RAP1GAP2: variants seen among roughly 807,000 people sequenced by gnomAD.
RAP1GAP2 encodes the protein rap1 GTPase-activating protein 2.
Under a neutral mutation model 95.0 loss-of-function variants are expected in RAP1GAP2, and 27 were observed. The ratio of observed to expected loss-of-function variants is 0.28; its 90% CI spans 0.21 to 0.39. The LOEUF (loss-of-function observed/expected upper bound fraction) is 0.39, where lower values mean the gene tolerates loss of function less well. Among genes scored for constraint, RAP1GAP2 ranks in the 10% least tolerant of loss-of-function variants. The pLI, the probability that RAP1GAP2 is intolerant of heterozygous loss-of-function variation, is 1.00. For missense variants in RAP1GAP2, 771 were observed against 970.0 expected (o/e 0.79, Z 2.72); for synonymous variants, 373 against 380.9 (o/e 0.98, Z 0.24).
intron 8 of RAP1GAP2, among the ~76,000 whole-genome samples, chr17:2,974,075 C>T (rs547086896): frequency 6.6e-6 from 1 of 152,014 alleles, no homozygotes; most frequent in African/African-American, 2.4e-5. Context: ...GGCGTGGTGT[C>T]TCATGCCTGT....
intron 18 of RAP1GAP2, among the ~76,000 whole-genome samples, chr17:3,019,599 C>T (rs777882671): frequency 6.6e-6 from 1 of 152,168 alleles, no homozygotes; most frequent in East Asian, 1.9e-4. Context: ...GCAGAACATA[C>T]TCACCATGGA....
At chr17:2,923,307 G>A (rs2042851738) in intron 3 of RAP1GAP2, among the ~76,000 whole-genome samples, 1 of 150,178 alleles carries the variant, frequency 6.7e-6, no homozygotes, top group African/African-American at 2.5e-5. Context: ...CAAAGTGCTG[G>A]GGTTACAGGT....
At chr17:2,919,085 G>T (rs1178891430) in intron 3 of RAP1GAP2, among the ~76,000 whole-genome samples, 3 of 152,152 alleles carry the variant, frequency 2.0e-5, no homozygotes, top group Non-Finnish European at 2.9e-5. Context: ...TGAGGGGCCT[G>T]TCTGTGGAAT....
At chr17:2,810,232 C>T (rs927915546) in intron 2 of RAP1GAP2, among the ~76,000 whole-genome samples, 2 of 152,082 alleles carry the variant, frequency 1.3e-5, no homozygotes, top group Non-Finnish European at 2.9e-5. Flanking sequence ...AGGCAGAGTC[C>T]AGAACCTAAT....
At chr17:2,975,618 G>A (rs2045077458) in intron 8 of RAP1GAP2, among the ~76,000 whole-genome samples, 1 of 152,224 alleles carries the variant, frequency 6.6e-6, no homozygotes. Context: ...TGATGGGCGT[G>A]TTTGGGAGCA....
intron 2 of RAP1GAP2, among the ~76,000 whole-genome samples, chr17:2,850,522 G>T (rs2071791560): frequency 6.6e-6 from 1 of 151,058 alleles, no homozygotes. Context: ...GCCAAGATGG[G>T]CGGATCACGA....
chr17:2,954,994 G>T (rs769112010), intron 3 of RAP1GAP2, among the ~76,000 whole-genome samples: 1 of 152,126 alleles, frequency 6.6e-6, no homozygotes, highest in African/African-American at 2.4e-5. Context: ...TTATTCCATC[G>T]TATGGATACA....
chr17:2,979,469 T>G (rs1205953823), intron 8 of RAP1GAP2, among the ~76,000 whole-genome samples: 25 of 140,406 alleles, frequency 1.8e-4, no homozygotes, highest in Admixed American at 3.6e-4. Flanking sequence ...TGTTTTTTTT[T>G]TTTTTTTTTT....
chr17:2,800,322 T>C (rs770859734), intron 1 of RAP1GAP2, 193 bp from the exon 2 acceptor site: 16 of 833,036 alleles, frequency 1.9e-5, no homozygotes, highest in Non-Finnish European at 2.2e-5. Context: ...TGTAGGGTGG[T>C]GTGTGGCCCC....
At chr17:2,981,147 T>A in intron 9 of RAP1GAP2, 48 bp from the exon 10 acceptor site, 1 of 1,569,994 alleles carries the variant, frequency 6.4e-7, no homozygotes, top group South Asian at 1.1e-5. Flanking sequence ...AGCCCAGATG[T>A]CCTCTACAGA....
upstream of RAP1GAP2, among the ~76,000 whole-genome samples, chr17:2,792,996 A>G (rs2068966553): frequency 6.6e-6 from 1 of 152,110 alleles, no homozygotes; most frequent in South Asian, 2.1e-4. Flanking sequence ...GGCAGCTTTC[A>G]CATGTGGTCA....
At chr17:2,951,654 A>G (rs1156549984) in intron 3 of RAP1GAP2, among the ~76,000 whole-genome samples, 3 of 151,680 alleles carry the variant, frequency 2.0e-5, no homozygotes, top group Non-Finnish European at 4.4e-5. Flanking sequence ...GGAGATCGAG[A>G]CTGCAGTGAG....
At chr17:2,942,638 T>C (rs1178696272) in intron 3 of RAP1GAP2, among the ~76,000 whole-genome samples, 4 of 152,160 alleles carry the variant, frequency 2.6e-5, no homozygotes, top group African/African-American at 9.7e-5. Flanking sequence ...AGTCTCATGC[T>C]CTTTTTCTCT....
chr17:2,920,995 G>A (rs1187522532), intron 3 of RAP1GAP2, among the ~76,000 whole-genome samples: 2 of 152,134 alleles, frequency 1.3e-5, no homozygotes, highest in Non-Finnish European at 2.9e-5. Flanking sequence ...TGTCCCCTGC[G>A]TAGATCTGTG....
chr17:2,819,725 C>T (rs2070198275), intron 2 of RAP1GAP2, among the ~76,000 whole-genome samples: 1 of 151,990 alleles, frequency 6.6e-6, no homozygotes, highest in Non-Finnish European at 1.5e-5. Context: ...GCCTCGGCCT[C>T]CCAAAGTGCT....
At chr17:2,877,654 G>A (rs1012435934) in intron 2 of RAP1GAP2, among the ~76,000 whole-genome samples, 4 of 152,184 alleles carry the variant, frequency 2.6e-5, no homozygotes, top group African/African-American at 7.2e-5. Flanking sequence ...AGGAGGCTGA[G>A]GCATGAGGAT....
Position 2,824,132 on chromosome 17 carries a change from AAAAAG to A in RAP1GAP2, c.80+23586_80+23590del, listed in dbSNP as rs1480310109. 4.1e-4 allele frequency among the ~76,000 whole-genome samples: 59 copies of A among 145,342 alleles called. 1 individual carries two copies. The highest frequency in any genetic ancestry group is 3.6e-3 in the Admixed American group (51 of 14,338). ...AGCAAGACTGTCTCAAAAAAAAAAAAAAAAGAAAGAAAGAAAAAAAGAAACAGCAC... is the reference window on the plus strand; with the variant it reads ...AGCAAGACTGTCTCAAAAAAAAAAAAAAAGAAAGAAAAAAAGAAACAGCAC... On this transcript the variant is annotated intron_variant, in intron 2 of 24. Transcript: ENST00000254695.
chr17:2,826,660 G>A (rs1464813602), intron 2 of RAP1GAP2, among the ~76,000 whole-genome samples: 1 of 152,012 alleles, frequency 6.6e-6, no homozygotes, highest in Non-Finnish European at 1.5e-5. Flanking sequence ...GCCAGGCTAG[G>A]GTCCTAAGAA....
intron 8 of RAP1GAP2, among the ~76,000 whole-genome samples, chr17:2,975,491 A>C (rs756282810): frequency 3.4e-4 from 52 of 152,368 alleles, no homozygotes; most frequent in Non-Finnish European, 6.8e-4. Flanking sequence ...TTTCAGGACA[A>C]AAAGACTAGG....
Sources: allele counts gnomAD v4.1 joint callset (sites outside exome capture counted in the v4.1 genomes callset), GRCh38; gene constraint gnomAD v4.1.1; transcripts MANE v1.5; gene names NCBI Gene and HGNC (gene_info 2026-07-23, HGNC 2026-07-21).